Variants in EDEM2 observed in about 807,000 individuals in gnomAD.
EDEM2 encodes ER degradation enhancing alpha-mannosidase like protein 2, also known as ER degradation-enhancing alpha-mannosidase-like protein 2.
In EDEM2, 39 loss-of-function variants were observed where a neutral mutation model predicts 64.8. The observed-to-expected ratio is 0.60, with a 90% CI of 0.47 to 0.79. The LOEUF (loss-of-function observed/expected upper bound fraction) is 0.79. EDEM2 is among the 30% of genes least tolerant of loss of function. The pLI is 0.00. For missense variants in EDEM2, 609 were observed against 731.3 expected (o/e 0.83, Z 1.93); for synonymous variants, 296 against 291.5 (o/e 1.02, Z -0.16).
At chr20:35,116,793 G>GT (rs879262031) in intron 10 of EDEM2, among the ~76,000 whole-genome samples, 1,715 of 145,012 alleles carry the variant, frequency 0.012, 19 homozygotes, top group African/African-American at 0.031. Context: ...TGATTACCAA[G>GT]TTTTTTTTTT....
chr20:35,129,609 A>G (rs962820760), intron 7 of EDEM2, among the ~76,000 whole-genome samples: 1 of 152,090 alleles, frequency 6.6e-6, no homozygotes, highest in Admixed American at 6.6e-5. Context: ...GAAAGAAAAA[A>G]AAATTTAAAT....
At chr20:35,140,147 T>C (rs2085632691) in intron 4 of EDEM2, among the ~76,000 whole-genome samples, 1 of 152,152 alleles carries the variant, frequency 6.6e-6, no homozygotes, top group Non-Finnish European at 1.5e-5. Flanking sequence ...AAGGAAATAC[T>C]TTAGAGAAAA....
chr20:35,128,343 A>G (rs1171025214), intron 7 of EDEM2, among the ~76,000 whole-genome samples: 2 of 150,258 alleles, frequency 1.3e-5, no homozygotes, highest in East Asian at 3.9e-4. Flanking sequence ...AGATCACACC[A>G]CTGCACTCCA....
At chr20:35,118,945 G>C (rs1600700136) in intron 9 of EDEM2, among the ~76,000 whole-genome samples, 1 of 152,212 alleles carries the variant, frequency 6.6e-6, no homozygotes, top group African/African-American at 2.4e-5. Flanking sequence ...CCACCACAAG[G>C]GAGAGAAAGG....
chr20:35,138,741 G>A (rs1199817304), intron 4 of EDEM2, among the ~76,000 whole-genome samples: 7 of 151,602 alleles, frequency 4.6e-5, no homozygotes, highest in East Asian at 1.9e-4. Flanking sequence ...CACCATGCCC[G>A]GCTAATTTTT....
chr20:35,145,738 T>A (rs924658734), intron 2 of EDEM2, among the ~76,000 whole-genome samples: 1 of 152,194 alleles, frequency 6.6e-6, no homozygotes, highest in Non-Finnish European at 1.5e-5. Flanking sequence ...CTGGGCACAG[T>A]GGCTCATGCC....
At chr20:35,129,812 T>C (rs1052070184) in intron 7 of EDEM2, among the ~76,000 whole-genome samples, 5 of 152,152 alleles carry the variant, frequency 3.3e-5, no homozygotes, top group African/African-American at 4.8e-5. Context: ...TACCATTCTA[T>C]TACAATTGTC....
chr20:35,142,293 A>C, intron 4 of EDEM2, 80 bp downstream of exon 4: 1 of 1,180,744 alleles, frequency 8.5e-7, no homozygotes, highest in Non-Finnish European at 1.2e-6. Context: ...AGTCCTTAAA[A>C]TCCTATTTAC....
chr20:35,147,118 T>C (rs1293891706), intron 1 of EDEM2, 34 bp downstream of exon 1: 2 of 1,591,746 alleles, frequency 1.3e-6, no homozygotes, highest in South Asian at 1.1e-5. Flanking sequence ...ACGCTTCCCA[T>C]TCCCCAACTG....
In EDEM2 at chr20:35,146,918, A is replaced by G. The variant is rs2085741580; in HGVS notation, c.125T>C (p.Met42Thr). 1.2e-6 allele frequency: 2 copies of G among 1,613,886 alleles called. No individual in the cohort carries two copies. Among genetic ancestry groups the G allele is most frequent in the African/African-American group, 1.3e-5 (1 of 74,910 alleles). ...GTAGCTGTCGTAGGCGTGGTAGAAC[A>G]TGGCCTTGACTCGCTCCCTGGGTGG... ...PAHYRERVKAMFYHAYDSYLE... is the reference protein window; with the variant it reads ...PAHYRERVKATFYHAYDSYLE... The change falls in exon 2 of 11, where the codon ATG becomes ACG. Residue 42 changes from methionine to threonine, a missense_variant. Met to Thr is a moderately conservative substitution (Grantham distance 81). Transcript: ENST00000374492.
chr20:35,135,962 C>T (rs1264143764), intron 5 of EDEM2, among the ~76,000 whole-genome samples: 1 of 152,166 alleles, frequency 6.6e-6, no homozygotes, highest in African/African-American at 2.4e-5. Flanking sequence ...CCTTCTGGTT[C>T]AAGACGAGAA....
Position 35,137,959 on chromosome 20 carries a change from C to G in EDEM2, c.411G>C (p.Gly137=). 1 of 1,614,194 alleles carries G rather than the reference C, an allele frequency of 6.2e-7. No individual in the cohort carries two copies. The highest frequency in any genetic ancestry group is 8.5e-7 in the Non-Finnish European group (1 of 1,180,036). ...AGGGCCATCCAGCCTCTACTTCCAC[C>G]CCAGCCTTCTTGGAGAGCAGATGAG... ...LSAHLLSKKA[G]VEVEAGWPCS... The change falls in exon 5 of 11, where the codon GGG becomes GGC. Residue 137 remains glycine (G), a synonymous_variant. Coordinates refer to ENST00000374492, the MANE Select transcript of EDEM2 (RefSeq NM_018217.3).
rs1244920410 is a variant in EDEM2 at position 35,115,842 on chromosome 20, G to A, written c.1328C>T (p.Pro443Leu). 6.2e-7 allele frequency: 1 copy of A among 1,613,712 alleles called. No homozygotes were observed. Among genetic ancestry groups the A allele is most frequent in the African/African-American group, 1.3e-5 (1 of 74,580 alleles). Reference sequence around the variant, plus strand: ...CCCATTGTTGTGGATGAAGTTGGTTGGGTCAAACAGGAGGTAGAGGTATTT... The same window carrying A: ...CCCATTGTTGTGGATGAAGTTGGTTAGGTCAAACAGGAGGTAGAGGTATTT... ...TVKYLYLLFD[P>L]TNFIHNNGST... is the part of the protein sequence containing the mutation. The change falls in exon 11 of 11, where the codon CCA becomes CTA. Residue 443 changes from proline to leucine, a missense_variant. Coordinates refer to ENST00000374492, the MANE Select transcript of EDEM2 (RefSeq NM_018217.3).
intron 3 of EDEM2, among the ~76,000 whole-genome samples, chr20:35,143,526 C>T (rs2085686255): frequency 1.3e-5 from 2 of 152,196 alleles, no homozygotes; most frequent in Admixed American, 6.5e-5. Flanking sequence ...TACCTCTAGA[C>T]TTTCTTTTAC....
At chr20:35,130,648 C>G (rs2085495172) in intron 7 of EDEM2, among the ~76,000 whole-genome samples, 1 of 152,154 alleles carries the variant, frequency 6.6e-6, no homozygotes, top group African/African-American at 2.4e-5. Context: ...AGCCACTGCA[C>G]CCAGCCTCAA....
intron 9 of EDEM2, 53 bp downstream of exon 9, chr20:35,123,837 G>C (rs757133105): frequency 1.3e-5 from 21 of 1,597,328 alleles, no homozygotes; most frequent in Middle Eastern, 4.2e-4. Flanking sequence ...GGGGATTTGG[G>C]GTTTCAGCAA....
At chr20:35,130,631 A>G (rs1238701743) in intron 7 of EDEM2, among the ~76,000 whole-genome samples, 1 of 152,174 alleles carries the variant, frequency 6.6e-6, no homozygotes, top group Non-Finnish European at 1.5e-5. Flanking sequence ...CTGGGACTAC[A>G]GGCGTGAGCC....
In EDEM2 at chr20:35,134,922, TA is replaced by T. The variant is rs1569180426; in HGVS notation, c.517del (p.Tyr173MetfsTer4). The T allele has an allele frequency of 6.2e-7, 1 of 1,614,116 alleles. No individual in the cohort carries two copies. The highest frequency in any genetic ancestry group is 8.5e-7 in the Non-Finnish European group (1 of 1,180,022). ...PAFQTPTGMPYGTVNLLHGVN... is the reference protein window; with the variant it reads ...PAFQTPTGMPXGTVNLLHGVN... ...GCCATGAAGTAAGTTCACTGTTCCA[TA>T]TGGCATGCCAGTGGGGGTCTGAAAG... On this transcript the variant is annotated frameshift_variant, in exon 6 of 11. Coordinates refer to ENST00000374492, the MANE Select transcript of EDEM2 (RefSeq NM_018217.3). LOFTEE classifies it high-confidence loss of function.
chr20:35,124,928 A>C (rs1212980934), intron 8 of EDEM2, among the ~76,000 whole-genome samples: 1 of 152,196 alleles, frequency 6.6e-6, no homozygotes, highest in Non-Finnish European at 1.5e-5. Flanking sequence ...ATACATTTTC[A>C]GAATTAGGAT....
Sources: gnomAD v4.1 joint callset for allele counts (sites outside exome capture counted in the v4.1 genomes callset) on GRCh38, gnomAD v4.1.1 for gene constraint, MANE v1.5 for transcripts, NCBI Gene and HGNC (gene_info 2026-07-23, HGNC 2026-07-21) for gene names.